Variants in RPS6KB1 observed in about 807,000 individuals in gnomAD.
RPS6KB1 encodes ribosomal protein S6 kinase beta-1.
A neutral mutation model predicts 70.2 loss-of-function variants in RPS6KB1; 12 were observed. The ratio of observed to expected loss-of-function variants is 0.17; its 90% confidence interval spans 0.11 to 0.28. The LOEUF (loss-of-function observed/expected upper bound fraction) is 0.28, where lower values mean the gene tolerates loss of function less well. Ranked by LOEUF, RPS6KB1 falls within the 10% of genes least tolerant of loss-of-function variation. RPS6KB1 has a pLI of 1.00. For missense variants in RPS6KB1, 270 were observed against 646.6 expected, an observed-to-expected ratio of 0.42 and a Z score of 6.32; for synonymous variants, 175 against 211.2, an observed-to-expected ratio of 0.83 and a Z score of 1.49.
At chr17:59,928,388 C>T (rs1346940075) in intron 5 of RPS6KB1, among the ~76,000 whole-genome samples, 1 of 148,140 alleles carries the variant, frequency 6.8e-6, no homozygotes. Context: ...CTTTTCTTTT[C>T]TTTTTTTTTT....
At chr17:59,935,394 T>C in intron 10 of RPS6KB1, 94 bp downstream of exon 10, 1 of 630,012 alleles carries the variant, frequency 1.6e-6, no homozygotes, top group Admixed American at 3.5e-5. Flanking sequence ...AAGAGTCATA[T>C]ATAAATATTG....
At chr17:59,942,553 C>T (rs2044675067) in intron 13 of RPS6KB1, among the ~76,000 whole-genome samples, 1 of 151,832 alleles carries the variant, frequency 6.6e-6, no homozygotes. Flanking sequence ...TTGGACTACT[C>T]TAGGGAGAAT....
At chr17:59,912,933 G>C in intron 3 of RPS6KB1, 129 bp downstream of exon 3, 1 of 994,656 alleles carries the variant, frequency 1.0e-6, no homozygotes, top group Non-Finnish European at 1.5e-6. Context: ...CCACTTAGCT[G>C]GTATGTTTGA....
Position 59,893,826 on chromosome 17 carries a change from A to T in RPS6KB1, c.141+501A>T, listed in dbSNP as rs1598608783. On this transcript the variant is annotated intron_variant, in intron 1 of 14. Coordinates refer to ENST00000225577, the MANE Select transcript of RPS6KB1 (RefSeq NM_003161.4). This position sits in a 1 kb window ranked among gnomAD's most constrained non-coding sequence, Gnocchi z 4.1. Reference sequence around the variant, plus strand: ...GCTCAGCTGTTAGAAGTGACAGCTGAAAACTTCTGTCGGGAGTAGCACTGC... The same window carrying T: ...GCTCAGCTGTTAGAAGTGACAGCTGTAAACTTCTGTCGGGAGTAGCACTGC... 1 of 986,232 alleles carries T rather than the reference A, an allele frequency of 1.0e-6. No individual in the cohort carries two copies. The highest frequency in any genetic ancestry group is 1.2e-6 in the Non-Finnish European group (1 of 830,496). The allele number at this position is 986,232 out of a possible 1,614,324, so 61.1% of individuals were successfully genotyped here.
chr17:59,930,279 A>T (rs2043857624), intron 6 of RPS6KB1, 105 bp downstream of exon 6: 1 of 782,542 alleles, frequency 1.3e-6, no homozygotes, highest in African/African-American at 1.7e-5. Context: ...GGAGCCAGTC[A>T]CTCACTCAGG....
intron 1 of RPS6KB1, among the ~76,000 whole-genome samples, chr17:59,896,475 G>A (rs1007316746): frequency 1.7e-4 from 26 of 152,108 alleles, no homozygotes; most frequent in African/African-American, 5.3e-4. Flanking sequence ...GTGAGCCACC[G>A]CACCCAGCCA....
At chr17:59,930,341 C>A in intron 6 of RPS6KB1, 167 bp downstream of exon 6, 2 of 656,142 alleles carry the variant, frequency 3.0e-6, no homozygotes. Flanking sequence ...GAGGTCACAT[C>A]ATTCCTTTGC....
At chr17:59,902,638 C>T (rs529034969) in intron 1 of RPS6KB1, among the ~76,000 whole-genome samples, 1 of 147,254 alleles carries the variant, frequency 6.8e-6, no homozygotes, top group African/African-American at 2.5e-5. Context: ...AGTGCAGTGG[C>T]GTGAAAAAGC....
In RPS6KB1 at chr17:59,911,538, G is replaced by GTTTTTTTTT. The variant is rs1184826889; in HGVS notation, c.191+943_191+951dup. The stretch of plus-strand genomic sequence containing the variant: ...ACCACACCTGGCTAATTTTTGTTGG[G>GTTTTTTTTT]TTTTTTTTTTTTTTTTTTTTTTTTG... On this transcript the variant is annotated intron_variant, in intron 2 of 14. Coordinates refer to ENST00000225577, the MANE Select transcript of RPS6KB1 (RefSeq NM_003161.4). Among the ~76,000 whole-genome samples the GTTTTTTTTT allele has an allele frequency of 3.2e-4, 24 of 74,724 alleles. 3 individuals are homozygous for GTTTTTTTTT. The highest frequency in any genetic ancestry group is 4.7e-4 in the Non-Finnish European group (20 of 42,428). 49.0% of individuals were successfully genotyped at this position (74,724 alleles called of 152,430 possible).
At chr17:59,920,141 C>A (rs1249803201) in intron 4 of RPS6KB1, among the ~76,000 whole-genome samples, 2 of 151,664 alleles carry the variant, frequency 1.3e-5, no homozygotes, top group Admixed American at 6.6e-5. Context: ...CCTCAACCTC[C>A]TGAGTAGCTG....
At chr17:59,899,271 G>A (rs1357229663) in intron 1 of RPS6KB1, among the ~76,000 whole-genome samples, 1 of 151,916 alleles carries the variant, frequency 6.6e-6, no homozygotes, top group East Asian at 1.9e-4. Flanking sequence ...ATTACATAAT[G>A]TTATTTGACA....
At chr17:59,918,036 C>T (rs1026421433) in intron 4 of RPS6KB1, among the ~76,000 whole-genome samples, 1 of 152,066 alleles carries the variant, frequency 6.6e-6, no homozygotes, top group Non-Finnish European at 1.5e-5. Context: ...TGGGTTCAAG[C>T]GATTCCCCTG....
chr17:59,910,537 C>T (rs1316843214), intron 1 of RPS6KB1, 25 bp from the exon 2 acceptor site: 5 of 1,489,856 alleles, frequency 3.4e-6, no homozygotes. Flanking sequence ...TAGATTATTT[C>T]TGAAACTTTT....
chr17:59,901,298 C>G (rs919878596), intron 1 of RPS6KB1, among the ~76,000 whole-genome samples: 3 of 151,140 alleles, frequency 2.0e-5, no homozygotes, highest in Non-Finnish European at 4.4e-5. Context: ...TACAGGTGCC[C>G]GCCACCACGC....
intron 1 of RPS6KB1, among the ~76,000 whole-genome samples, chr17:59,902,791 T>A (rs1334841572): frequency 1.3e-5 from 2 of 152,048 alleles, no homozygotes; most frequent in East Asian, 3.9e-4. Flanking sequence ...TTGTCCCGGT[T>A]GGTTTTAAAC....
chr17:59,930,328 A>G lies in RPS6KB1; in HGVS notation c.587+154A>G, dbSNP rs1401880115. ...GAAGCAGTTTTGGGACTGGGCAGCT[A>G]TGGAGGTCACATCATTCCTTTGCCC... On this transcript the variant is annotated intron_variant, in intron 6 of 14. Coordinates refer to ENST00000225577, the MANE Select transcript of RPS6KB1 (RefSeq NM_003161.4). 7.3e-6 allele frequency: 5 copies of G among 682,750 alleles called. No individual in the cohort carries two copies. The Admixed American group carries it at 9.0e-5, about 12-fold the overall frequency. The allele number at this position is 682,750 out of a possible 1,614,324, so 42.3% of individuals were successfully genotyped here.
intron 5 of RPS6KB1, among the ~76,000 whole-genome samples, chr17:59,926,928 T>C (rs2043641694): frequency 1.3e-5 from 2 of 152,218 alleles, no homozygotes; most frequent in South Asian, 4.1e-4. Flanking sequence ...ACATACTGAC[T>C]ATTTTTGGAA....
At chr17:59,931,407 A>G in intron 6 of RPS6KB1, 2 of 517,418 alleles carry the variant, frequency 3.9e-6, no homozygotes, top group Non-Finnish European at 7.0e-6. Context: ...TGGCAAAATA[A>G]AGCACTTTAT....
Position 59,950,332 on chromosome 17 carries a change from T to TC in RPS6KB1, c.*3545dup, listed in dbSNP as rs2045143599. On this transcript the variant is annotated 3_prime_UTR_variant, in exon 15 of 15. Transcript: ENST00000225577. ...GGAGTGCTATGAGGGTAACACCTGTTCTGCTTTTCATCTTGTATTTAGTTG... is the reference window on the plus strand; with the variant it reads ...GGAGTGCTATGAGGGTAACACCTGTTCCTGCTTTTCATCTTGTATTTAGTTG... The TC allele has an allele frequency of 6.6e-6, 1 of 152,636 alleles. No homozygotes were observed. Among genetic ancestry groups the TC allele is most frequent in the African/African-American group, 2.4e-5 (1 of 41,468 alleles). The allele number at this position is 152,636 out of a possible 1,614,324, so 9.5% of individuals were successfully genotyped here.
Sources: allele counts gnomAD v4.1 joint callset (sites outside exome capture counted in the v4.1 genomes callset), GRCh38; gene constraint gnomAD v4.1.1; non-coding constraint Gnocchi (gnomAD v3.1); transcripts MANE v1.5; gene names NCBI Gene and HGNC (gene_info 2026-07-23, HGNC 2026-07-21).